Variants in ERBB4 observed in about 807,000 individuals in gnomAD.
ERBB4 encodes the protein receptor tyrosine-protein kinase erbB-4.
A neutral mutation model predicts 158.0 loss-of-function variants in ERBB4; 42 were observed. The ratio of observed to expected loss-of-function variants is 0.27; its 90% CI spans 0.21 to 0.34. The LOEUF is 0.34. Among genes scored for constraint, ERBB4 ranks in the 10% least tolerant of loss-of-function variants. The probability of loss-of-function intolerance (pLI) is 1.00; values close to 1 mark genes in which losing one functional copy is unlikely to be tolerated. For missense variants in ERBB4, 1,333 were observed against 1,624.1 expected (o/e 0.82, Z 3.08); for synonymous variants, 583 against 558.7 (o/e 1.04, Z -0.61).
At chr2:211,403,640 C>T (rs2063089760) in intron 25 of ERBB4, among the ~76,000 whole-genome samples, 2 of 152,098 alleles carry the variant, frequency 1.3e-5, no homozygotes, top group South Asian at 2.1e-4. Flanking sequence ...CATATAGCTG[C>T]GTATACATTT....
intron 1 of ERBB4, among the ~76,000 whole-genome samples, chr2:212,473,488 A>G (rs1024571678): frequency 3.3e-5 from 5 of 152,128 alleles, no homozygotes; most frequent in African/African-American, 1.2e-4. Context: ...AATGAAGAAA[A>G]CAGAAAAACA....
chr2:211,554,512 C>A (rs1046657921), intron 20 of ERBB4, among the ~76,000 whole-genome samples: 8 of 152,204 alleles, frequency 5.3e-5, no homozygotes, highest in Admixed American at 5.2e-4. Flanking sequence ...CCTAGGAGGG[C>A]CTGCAGGTAC....
At chr2:211,771,077 A>G (rs541766196) in intron 4 of ERBB4, among the ~76,000 whole-genome samples, 1 of 152,322 alleles carries the variant, frequency 6.6e-6, no homozygotes, top group Admixed American at 6.5e-5. Flanking sequence ...ATCTTATGCT[A>G]GGCCAGTGCT....
At chr2:211,955,427 A>T (rs1231209101) in intron 2 of ERBB4, among the ~76,000 whole-genome samples, 1 of 151,954 alleles carries the variant, frequency 6.6e-6, no homozygotes, top group East Asian at 1.9e-4. Context: ...CCCCCTTCAG[A>T]TCTCTACATT....
intron 3 of ERBB4, among the ~76,000 whole-genome samples, chr2:211,861,350 G>GTTTTTTTTTTT (rs67133944): frequency 1.9e-3 from 169 of 88,880 alleles, no homozygotes; most frequent in East Asian, 3.9e-3. Context: ...TTTTTTTTTT[G>GTTTTTTTTTTT]TTTTTTTTTT....
intron 1 of ERBB4, among the ~76,000 whole-genome samples, chr2:212,378,639 T>A (rs541382705): frequency 1.1e-3 from 168 of 151,944 alleles, no homozygotes; most frequent in African/African-American, 4.0e-3. Context: ...AACTAAATAT[T>A]TTTATTCAAT....
At chr2:211,758,304 A>G (rs903390710) in intron 4 of ERBB4, among the ~76,000 whole-genome samples, 2 of 152,212 alleles carry the variant, frequency 1.3e-5, no homozygotes, top group Non-Finnish European at 2.9e-5. Context: ...ACTGAAACCA[A>G]TGGAAATGAA....
chr2:211,759,080 C>T (rs1320114248), intron 4 of ERBB4, among the ~76,000 whole-genome samples: 1 of 152,180 alleles, frequency 6.6e-6, no homozygotes, highest in Non-Finnish European at 1.5e-5. Context: ...TCAATAGCAG[C>T]TCAATTCTTT....
rs2066691003 is a variant in ERBB4 at position 211,537,592 on chromosome 2, G to C, written c.2487+24311C>G. ...TTTTATGTTACCACACTTCTATTCA[G>C]GAAAACAAGAGAAGGTGGTTGAAGA... On this transcript the variant is annotated intron_variant, in intron 20 of 27. Coordinates refer to ENST00000342788, the MANE Select transcript of ERBB4 (RefSeq NM_005235.3). Among the ~76,000 whole-genome samples, 5 of 151,828 alleles carry C rather than the reference G, an allele frequency of 3.3e-5. No individual in the cohort carries two copies. The South Asian group carries it at 1.0e-3, about 32-fold the overall frequency.
chr2:211,751,796 C>A (rs1216659506), intron 4 of ERBB4, among the ~76,000 whole-genome samples: 1 of 152,128 alleles, frequency 6.6e-6, no homozygotes, highest in Non-Finnish European at 1.5e-5. Flanking sequence ...TGAGCCTATT[C>A]TGTTAAATGA....
At chr2:211,946,340 A>G (rs1177171994) in intron 3 of ERBB4, among the ~76,000 whole-genome samples, 1 of 152,032 alleles carries the variant, frequency 6.6e-6, no homozygotes, top group African/African-American at 2.4e-5. Flanking sequence ...TAAGAAACAA[A>G]TGATTTCAAT....
chr2:212,371,754 G>T lies in ERBB4; in HGVS notation c.82+166695C>A, dbSNP rs886258094. ...CTATAGATGAGGAACCTGAGGATCAGCGCACTTTTGGCACTTACTCCAAAC... is the reference window on the plus strand; with the variant it reads ...CTATAGATGAGGAACCTGAGGATCATCGCACTTTTGGCACTTACTCCAAAC... On this transcript the variant is annotated intron_variant, in intron 1 of 27. Transcript: ENST00000342788. 4.6e-5 allele frequency among the ~76,000 whole-genome samples: 7 copies of T among 152,068 alleles called. 1 individual carries two copies. Among genetic ancestry groups the T allele is most frequent in the African/African-American group, 1.7e-4 (7 of 41,408 alleles).
intron 20 of ERBB4, among the ~76,000 whole-genome samples, chr2:211,505,530 C>T (rs2065723615): frequency 6.6e-6 from 1 of 151,068 alleles, no homozygotes; most frequent in Non-Finnish European, 1.5e-5. Flanking sequence ...AATCTCAGAG[C>T]CTATAAAGTA....
intron 1 of ERBB4, among the ~76,000 whole-genome samples, chr2:212,134,240 T>G (rs1276149236): frequency 6.6e-6 from 1 of 152,180 alleles, no homozygotes; most frequent in East Asian, 1.9e-4. Flanking sequence ...TTGCAATTAT[T>G]AAACCATCCT....
chr2:212,421,868 G>A (rs1393630908), intron 1 of ERBB4, among the ~76,000 whole-genome samples: 1 of 152,146 alleles, frequency 6.6e-6, no homozygotes, highest in East Asian at 1.9e-4. Flanking sequence ...GAATCAATGT[G>A]TTTAGGAATA....
intron 1 of ERBB4, among the ~76,000 whole-genome samples, chr2:212,281,828 C>T (rs1354753944): frequency 6.6e-6 from 1 of 151,662 alleles, no homozygotes; most frequent in Non-Finnish European, 1.5e-5. Flanking sequence ...GGCCTATTTA[C>T]CTTCCAAAAT....
At chr2:212,417,706 C>G (rs1417319723) in intron 1 of ERBB4, among the ~76,000 whole-genome samples, 2 of 152,020 alleles carry the variant, frequency 1.3e-5, no homozygotes. Flanking sequence ...TCCTCAGTAT[C>G]TTTGAAACCT....
chr2:212,267,089 G>A (rs924950650), intron 1 of ERBB4, among the ~76,000 whole-genome samples: 2 of 151,868 alleles, frequency 1.3e-5, no homozygotes, highest in African/African-American at 2.4e-5. Context: ...AATTACAGCT[G>A]TGCACACAGA....
At chr2:212,388,530 C>T (rs2106431009) in intron 1 of ERBB4, among the ~76,000 whole-genome samples, 1 of 152,108 alleles carries the variant, frequency 6.6e-6, no homozygotes, top group East Asian at 1.9e-4. Context: ...GCAGCCAGAG[C>T]ACAAAGGGTA....
Sources: gnomAD v4.1 joint callset for allele counts (sites outside exome capture counted in the v4.1 genomes callset) on GRCh38, gnomAD v4.1.1 for gene constraint, MANE v1.5 for transcripts, NCBI Gene and HGNC (gene_info 2026-07-23, HGNC 2026-07-21) for gene names.